Variants in GALNTL6 observed in about 807,000 individuals in gnomAD.
GALNTL6 encodes polypeptide N-acetylgalactosaminyltransferase like 6, also known as polypeptide N-acetylgalactosaminyltransferase-like 6.
Under a neutral mutation model 73.7 loss-of-function variants are expected in GALNTL6, and 46 were observed. That is an observed-to-expected ratio of 0.62 (90% CI 0.49 to 0.80). GALNTL6 has a LOEUF of 0.80. Among genes scored for constraint, GALNTL6 ranks in the 30% least tolerant of loss-of-function variants. The probability of loss-of-function intolerance (pLI) is 0.00; values close to 1 mark genes in which losing one functional copy is unlikely to be tolerated. For missense variants in GALNTL6, 604 were observed against 755.0 expected (o/e 0.80, Z 2.34); for synonymous variants, 259 against 263.7 (o/e 0.98, Z 0.17).
At chr4:172,054,290 A>G (rs865986716) in intron 2 of GALNTL6, among the ~76,000 whole-genome samples, 1 of 152,194 alleles carries the variant, frequency 6.6e-6, no homozygotes, top group South Asian at 2.1e-4. Context: ...ATCAAGGGTC[A>G]AAGAATCACA....
intron 2 of GALNTL6, among the ~76,000 whole-genome samples, chr4:171,940,033 T>A (rs1004774132): frequency 6.6e-6 from 1 of 152,158 alleles, no homozygotes. Context: ...TGTACGGTCT[T>A]CGACAAATCA....
At chr4:172,561,109 C>T (rs557508900) in intron 5 of GALNTL6, among the ~76,000 whole-genome samples, 7 of 151,198 alleles carry the variant, frequency 4.6e-5, no homozygotes, top group South Asian at 2.1e-4. Context: ...AAAAATTAGC[C>T]GGGCGCGGTG....
intron 5 of GALNTL6, among the ~76,000 whole-genome samples, chr4:172,637,632 T>C (rs1739758551): frequency 6.6e-6 from 1 of 152,192 alleles, no homozygotes; most frequent in African/African-American, 2.4e-5. Flanking sequence ...CAATAAATTC[T>C]ACAAAGTGTG....
intron 3 of GALNTL6, among the ~76,000 whole-genome samples, chr4:172,275,343 G>A (rs1910458): frequency 0.55 from 83,860 of 152,060 alleles, 23,937 homozygotes; most frequent in African/African-American, 0.72. Context: ...TTACCATGTA[G>A]AATCACATTG....
chr4:172,634,651 T>A (rs978963142), intron 5 of GALNTL6, among the ~76,000 whole-genome samples: 1 of 152,218 alleles, frequency 6.6e-6, no homozygotes, highest in African/African-American at 2.4e-5. Context: ...ATTATAGCAG[T>A]ACCTAATCTA....
intron 2 of GALNTL6, among the ~76,000 whole-genome samples, chr4:171,971,608 C>CG (rs1560865333): frequency 5.1e-4 from 77 of 152,182 alleles, no homozygotes; most frequent in African/African-American, 1.7e-3. Flanking sequence ...GGCATGCAGT[C>CG]CTCTCCAAAA....
chr4:172,035,614 A>T (rs1010953405), intron 2 of GALNTL6, among the ~76,000 whole-genome samples: 1 of 152,176 alleles, frequency 6.6e-6, no homozygotes, highest in Non-Finnish European at 1.5e-5. Flanking sequence ...AATACAGTTG[A>T]TTGAAAATAC....
At chr4:172,588,565 A>C in intron 5 of GALNTL6, among the ~76,000 whole-genome samples, 1 of 151,964 alleles carries the variant, frequency 6.6e-6, no homozygotes, top group East Asian at 1.9e-4. Flanking sequence ...AATCCTCCCA[A>C]TCGTGGATAG....
intron 8 of GALNTL6, among the ~76,000 whole-genome samples, chr4:172,904,166 A>G (rs1746763297): frequency 2.0e-5 from 3 of 152,234 alleles, no homozygotes; most frequent in African/African-American, 7.2e-5. Context: ...TTTGGGAAGA[A>G]ATGCACTGCC....
chr4:172,582,026 T>C (rs1737209881), intron 5 of GALNTL6, among the ~76,000 whole-genome samples: 1 of 152,184 alleles, frequency 6.6e-6, no homozygotes, highest in Non-Finnish European at 1.5e-5. Flanking sequence ...ATCCATAGGT[T>C]GAGGGAGTCT....
intron 2 of GALNTL6, among the ~76,000 whole-genome samples, chr4:172,043,743 T>C (rs1015386046): frequency 2.0e-5 from 3 of 152,166 alleles, no homozygotes; most frequent in Non-Finnish European, 4.4e-5. Context: ...CTACTCTTTG[T>C]TGAAGATTTT....
intron 5 of GALNTL6, among the ~76,000 whole-genome samples, chr4:172,556,200 C>A (rs1475742017): frequency 6.6e-6 from 1 of 151,892 alleles, no homozygotes; most frequent in African/African-American, 2.4e-5. Context: ...CCTAGTAGAC[C>A]TGAGTACAAA....
intron 5 of GALNTL6, among the ~76,000 whole-genome samples, chr4:172,628,616 G>T (rs1264001509): frequency 1.3e-5 from 2 of 151,660 alleles, no homozygotes; most frequent in African/African-American, 4.8e-5. Context: ...CAGCTTCTTT[G>T]TGCCCATAGG....
intron 2 of GALNTL6, among the ~76,000 whole-genome samples, chr4:171,857,274 G>C (rs1172522084): frequency 6.6e-6 from 1 of 151,960 alleles, no homozygotes; most frequent in Non-Finnish European, 1.5e-5. Context: ...TAAAAAAAAA[G>C]AAGTATATTG....
chr4:172,916,374 A>G (rs1747511310), intron 8 of GALNTL6, among the ~76,000 whole-genome samples: 1 of 152,196 alleles, frequency 6.6e-6, no homozygotes. Context: ...CCTATTCAAC[A>G]TAGTGTTGGA....
At chr4:172,596,050 T>G (rs902786114) in intron 5 of GALNTL6, among the ~76,000 whole-genome samples, 1 of 152,264 alleles carries the variant, frequency 6.6e-6, no homozygotes, top group Non-Finnish European at 1.5e-5. Context: ...TTTGAAAGAA[T>G]TACTATTACA....
chr4:172,230,387 A>ACTCT (rs1296617213), intron 3 of GALNTL6, among the ~76,000 whole-genome samples: 2 of 152,084 alleles, frequency 1.3e-5, no homozygotes, highest in Non-Finnish European at 2.9e-5. Flanking sequence ...GGAGATCGAG[A>ACTCT]CCATCCTGGC....
chr4:172,743,585 T>A (rs114634555), intron 5 of GALNTL6, among the ~76,000 whole-genome samples: 11 of 152,132 alleles, frequency 7.2e-5, no homozygotes, highest in Non-Finnish European at 1.6e-4. Context: ...CTAAGATACA[T>A]AAAGCAATTT....
intron 2 of GALNTL6, among the ~76,000 whole-genome samples, chr4:172,156,559 A>AC (rs1329740681): frequency 7.3e-5 from 7 of 96,080 alleles, no homozygotes; most frequent in African/African-American, 1.7e-4. Context: ...ATATATATAT[A>AC]TATATATACA....
Sources: allele counts gnomAD v4.1 joint callset (sites outside exome capture counted in the v4.1 genomes callset), GRCh38; gene constraint gnomAD v4.1.1; transcripts MANE v1.5; gene names NCBI Gene and HGNC (gene_info 2026-07-23, HGNC 2026-07-21).